Variants in NBAS observed in about 807,000 individuals in gnomAD.
NBAS encodes NBAS subunit of NRZ tethering complex.
Under a neutral mutation model 302.5 loss-of-function variants are expected in NBAS, and 219 were observed. That is an observed-to-expected ratio of 0.72 (90% confidence interval 0.65 to 0.81). The LOEUF (loss-of-function observed/expected upper bound fraction) is 0.81, where lower values mean the gene tolerates loss of function less well. Among genes scored for constraint, NBAS ranks in the 30% least tolerant of loss-of-function variants. The pLI is 0.00. For synonymous variants in NBAS, 1,118 were observed against 1,021.6 expected (o/e 1.09, Z -1.80); for missense variants, 2,932 against 2,841.6 (o/e 1.03, Z -0.72).
At chr2:15,446,661 A>T (rs1678759675) in intron 21 of NBAS, among the ~76,000 whole-genome samples, 1 of 152,184 alleles carries the variant, frequency 6.6e-6, no homozygotes, top group Admixed American at 6.5e-5. Context: ...AATTTTAAAA[A>T]ATTACTGATA....
chr2:15,389,822 G>A (rs1051299996), intron 28 of NBAS, among the ~76,000 whole-genome samples: 3 of 152,152 alleles, frequency 2.0e-5, no homozygotes, highest in Admixed American at 1.3e-4. Flanking sequence ...GCAGTGGCAC[G>A]ATCATGGCTC....
the NBAS span, among the ~76,000 whole-genome samples, chr2:14,880,805 T>G: frequency 6.6e-6 from 1 of 151,862 alleles, no homozygotes; most frequent in Non-Finnish European, 1.5e-5. Flanking sequence ...ATATTCAGAT[T>G]AAAAAGACCT....
At chr2:15,552,045 T>C (rs1434977923) in intron 5 of NBAS, among the ~76,000 whole-genome samples, 3 of 152,198 alleles carry the variant, frequency 2.0e-5, no homozygotes, top group Non-Finnish European at 4.4e-5. Flanking sequence ...TCCTGAAATA[T>C]ATACCAAGTA....
the NBAS span, among the ~76,000 whole-genome samples, chr2:15,056,668 G>A: frequency 1.3e-5 from 2 of 152,160 alleles, no homozygotes; most frequent in South Asian, 4.1e-4. Flanking sequence ...CTGTGTCAAA[G>A]GCAGGAAGGA....
At chr2:14,877,248 C>A in the NBAS span, among the ~76,000 whole-genome samples, 2 of 152,158 alleles carry the variant, frequency 1.3e-5, no homozygotes, top group African/African-American at 4.8e-5. Flanking sequence ...CTGCTTTCCA[C>A]CCACTTTAAA....
intron 41 of NBAS, among the ~76,000 whole-genome samples, chr2:15,287,820 T>C (rs1244264866): frequency 6.7e-6 from 1 of 149,652 alleles, no homozygotes; most frequent in Non-Finnish European, 1.5e-5. Context: ...CATCCCCGCA[T>C]AAACATCCTG....
chr2:14,896,492 G>T, the NBAS span, among the ~76,000 whole-genome samples: 202 of 152,220 alleles, frequency 1.3e-3, 1 homozygote, highest in African/African-American at 4.6e-3. Context: ...GTGTTATGGG[G>T]GGAATGGCTC....
chr2:14,913,375 A>T, the NBAS span, among the ~76,000 whole-genome samples: 2 of 152,136 alleles, frequency 1.3e-5, no homozygotes, highest in East Asian at 3.9e-4. Flanking sequence ...GTCATTAAGG[A>T]TTAGGAAGAG....
intron 11 of NBAS, among the ~76,000 whole-genome samples, chr2:15,496,181 C>T (rs934889336): frequency 1.3e-5 from 2 of 151,586 alleles, no homozygotes; most frequent in African/African-American, 4.9e-5. Context: ...CATGCAACAA[C>T]ATGGGTGAAC....
intron 21 of NBAS, among the ~76,000 whole-genome samples, chr2:15,429,021 G>GCCTCCC (rs1478312617): frequency 3.5e-5 from 5 of 144,374 alleles, no homozygotes; most frequent in African/African-American, 5.2e-5. Context: ...CTGGGTGACA[G>GCCTCCC]ACTGATACTC....
chr2:15,073,781 T>G, the NBAS span, among the ~76,000 whole-genome samples: 32 of 152,366 alleles, frequency 2.1e-4, no homozygotes, highest in African/African-American at 6.3e-4. Context: ...GTCATCCATT[T>G]GATGCAGATA....
intron 22 of NBAS, among the ~76,000 whole-genome samples, chr2:15,425,124 G>C (rs549326303): frequency 1.3e-5 from 2 of 150,894 alleles, no homozygotes; most frequent in African/African-American, 4.9e-5. Context: ...AGTTTTTAAC[G>C]AGAATGATCA....
rs1422799539 is a variant in NBAS, at chr2:15,234,678, C to A, written c.6013G>T (p.Ala2005Ser). 6 of 1,614,188 alleles carry A rather than the reference C, an allele frequency of 3.7e-6. No individual in the cohort carries two copies. The highest frequency in any genetic ancestry group is 5.1e-6 in the Non-Finnish European group (6 of 1,180,016). The change falls in exon 46 of 52, where the codon GCT (alanine) becomes TCT (serine). Residue 2005 changes from alanine to serine, a missense_variant. Ala to Ser is a moderately conservative substitution (Grantham distance 99, BLOSUM62 1). Coordinates refer to ENST00000281513, the MANE Select transcript of NBAS (RefSeq NM_015909.4). ...RSEKEKLHDE[A>S]VAICLDGQPL... ...TGACCATCTAAACAAATAGCCACAG[C>A]TTCATCATGAAGTTTCTCTTTTTCT...
At chr2:15,534,408 T>C (rs1663381389) in intron 9 of NBAS, 135 bp downstream of exon 9, 2 of 741,550 alleles carry the variant, frequency 2.7e-6, no homozygotes, top group Non-Finnish European at 4.9e-6. Flanking sequence ...ACAACAGTAT[T>C]ATAGATATTA....
chr2:15,511,415 A>G, intron 9 of NBAS, 65 bp from the exon 10 acceptor site: 1 of 1,447,464 alleles, frequency 6.9e-7, no homozygotes, highest in South Asian at 1.2e-5. Context: ...AAACAAAGAG[A>G]GCAGAAACAG....
At chr2:15,077,375 C>A in the NBAS span, among the ~76,000 whole-genome samples, 1 of 152,194 alleles carries the variant, frequency 6.6e-6, no homozygotes, top group African/African-American at 2.4e-5. Flanking sequence ...CAGAGACAAA[C>A]TATATCAGAT....
intron 1 of NBAS, among the ~76,000 whole-genome samples, chr2:15,560,832 G>A (rs919659593): frequency 4.6e-5 from 7 of 152,046 alleles, no homozygotes; most frequent in Admixed American, 3.9e-4. Flanking sequence ...AAGGACCCTC[G>A]AGTCCAGCGC....
chr2:15,353,626 G>T lies in NBAS; in HGVS notation c.4016C>A (p.Ala1339Asp), dbSNP rs1246970857. 2 of 1,613,954 alleles carry T rather than the reference G, an allele frequency of 1.2e-6. No individual in the cohort carries two copies. The highest frequency in any genetic ancestry group is 1.7e-6 in the Non-Finnish European group (2 of 1,179,982). The change falls in exon 34 of 52, where the codon GCT becomes GAT. Residue 1339 changes from alanine to aspartate, a missense_variant. Physicochemically the swap from Ala to Asp is moderately radical, Grantham distance 126. Coordinates refer to ENST00000281513, the MANE Select transcript of NBAS (RefSeq NM_015909.4). Reference sequence around the variant, plus strand: ...AGGAGGGCAATGTGTCAAAGCAAAAGCCATGAGCTCTTGACGAGTGGCCAA... The same window carrying T: ...AGGAGGGCAATGTGTCAAAGCAAAATCCATGAGCTCTTGACGAGTGGCCAA... ...QDLATRQELMAFALTHCPPSS... is the reference protein window; with the variant it reads ...QDLATRQELMDFALTHCPPSS...
At chr2:15,384,865 T>C (rs1261645761) in intron 28 of NBAS, among the ~76,000 whole-genome samples, 1 of 152,210 alleles carries the variant, frequency 6.6e-6, no homozygotes, top group African/African-American at 2.4e-5. Context: ...TTTTATCTTT[T>C]ACAATGCCTT....
Sources: allele counts gnomAD v4.1 joint callset (sites outside exome capture counted in the v4.1 genomes callset), GRCh38; gene constraint gnomAD v4.1.1; transcripts MANE v1.5; gene names NCBI Gene and HGNC (gene_info 2026-07-23, HGNC 2026-07-21).